Variants in ARPC2 observed in about 807,000 individuals in gnomAD.
ARPC2 encodes the protein actin related protein 2/3 complex subunit 2, also known as actin-related protein 2/3 complex subunit 2.
A neutral mutation model predicts 38.6 loss-of-function variants in ARPC2; 4 were observed. The observed-to-expected ratio is 0.10, with a 90% CI of 0.05 to 0.24. ARPC2 has a LOEUF of 0.24. ARPC2 is among the 10% of genes least tolerant of loss of function. The probability of loss-of-function intolerance (pLI) is 1.00; values close to 1 mark genes in which losing one functional copy is unlikely to be tolerated. For synonymous variants in ARPC2, 125 were observed against 140.8 expected (o/e 0.89, Z 0.79); for missense variants, 229 against 387.3 (o/e 0.59, Z 3.43).
At chr2:218,226,496 G>A (rs1291625870) in intron 3 of ARPC2, among the ~76,000 whole-genome samples, 4 of 151,778 alleles carry the variant, frequency 2.6e-5, no homozygotes, top group African/African-American at 9.7e-5. Flanking sequence ...GGGCATGGTG[G>A]CGGGCACCTG....
In ARPC2 at chr2:218,245,453, G is replaced by C; in HGVS notation, c.583G>C (p.Ala195Pro). 1 of 1,614,162 alleles carries C rather than the reference G, an allele frequency of 6.2e-7. No individual in the cohort carries two copies. The highest frequency in any genetic ancestry group is 8.5e-7 in the Non-Finnish European group (1 of 1,180,030). ...FKEGRRASHT[A>P]PQVLFSHREP... ...AGAAGGACGCAGAGCCAGCCACACA[G>C]CCCCACAGGTCCTCTTTAGCCACAG... The change falls in exon 8 of 11, where the codon GCC (alanine) becomes CCC (proline). Residue 195 changes from alanine (A) to proline (P), a missense_variant. By Grantham distance (27) the Ala-to-Pro change is conservative (BLOSUM62 -1). Around this residue, in one of 3 missense-constraint regions of ARPC2, gnomAD observed 92 missense variants for 152.3 expected, o/e 0.60. Transcript: ENST00000315717.
chr2:218,225,985 G>A (rs779887815), intron 3 of ARPC2, 31 bp downstream of exon 3: 21 of 1,610,768 alleles, frequency 1.3e-5, no homozygotes, highest in Non-Finnish European at 1.4e-5. Context: ...CCTCTGAAGA[G>A]AAGGTACAAT....
At chr2:218,235,474 G>GA (rs756388409) in intron 5 of ARPC2, 1 of 148,246 alleles carries the variant, frequency 6.7e-6, no homozygotes, top group Non-Finnish European at 1.5e-5. Context: ...AGAGAGTTGG[G>GA]ATCACAGGCA....
chr2:218,247,066 A>T (rs560257881), intron 8 of ARPC2, among the ~76,000 whole-genome samples: 60 of 152,272 alleles, frequency 3.9e-4, no homozygotes, highest in African/African-American at 1.3e-3. Flanking sequence ...TAGAGGCTGC[A>T]GTGAGCTGTG....
In ARPC2 at chr2:218,238,726, C is replaced by T; in HGVS notation, c.331C>T (p.His111Tyr). 6.2e-7 allele frequency: 1 copy of T among 1,613,460 alleles called. No homozygotes were observed. The highest frequency in any genetic ancestry group is 8.5e-7 in the Non-Finnish European group (1 of 1,179,838). Residue 111 changes from histidine to tyrosine, a missense_variant, in exon 6 of 11, where the codon CAT (histidine) becomes TAT (tyrosine). His to Tyr is a moderately conservative substitution (Grantham distance 83). Transcript: ENST00000315717. ...TCCGGCATCCAAGGATTCCATTGTG[C>T]ATCAAGCTGGCATGTTGAAGCGAAA... ...NLPASKDSIV[H>Y]QAGMLKRNCF...
chr2:218,253,440 C>T (rs1030838500), intron 10 of ARPC2, among the ~76,000 whole-genome samples: 2 of 152,202 alleles, frequency 1.3e-5, no homozygotes, highest in Non-Finnish European at 2.9e-5. Flanking sequence ...GAGGATTGCT[C>T]TGAACCAGCC....
chr2:218,228,734 A>C lies in ARPC2; in HGVS notation c.110-4A>C, dbSNP rs747583083. ...TTACGCAATCTTATTTGCTTTCCTC[A>C]CAGATTTCGATGGGGTCCTCTATCA... On this transcript the variant is annotated splice_region_variant and splice_polypyrimidine_tract_variant and intron_variant, in intron 3 of 10. Coordinates refer to ENST00000315717, the MANE Select transcript of ARPC2 (RefSeq NM_152862.3). 2 of 1,543,084 alleles carry C rather than the reference A, an allele frequency of 1.3e-6. No individual in the cohort carries two copies. Among genetic ancestry groups the C allele is most frequent in the Admixed American group, 3.4e-5 (2 of 59,560 alleles).
chr2:218,242,593 G>A (rs1039919821), intron 7 of ARPC2, among the ~76,000 whole-genome samples: 1 of 152,150 alleles, frequency 6.6e-6, no homozygotes, highest in Admixed American at 6.5e-5. Flanking sequence ...CTCCATCAGG[G>A]TAGTGGCATT....
At chr2:218,235,692 AT>A (rs1221473548) in intron 5 of ARPC2, 1 of 152,172 alleles carries the variant, frequency 6.6e-6, no homozygotes, top group Non-Finnish European at 1.5e-5. Flanking sequence ...TGGAAAGTTT[AT>A]GTTTCTGTCC....
chr2:218,232,181 C>T (rs1218762200), intron 4 of ARPC2, among the ~76,000 whole-genome samples: 5 of 151,938 alleles, frequency 3.3e-5, no homozygotes, highest in African/African-American at 1.2e-4. Context: ...GTGGAGGTTG[C>T]AATGAGCCGA....
intron 10 of ARPC2, among the ~76,000 whole-genome samples, chr2:218,251,796 C>T (rs373644822): frequency 1.3e-5 from 2 of 152,158 alleles, no homozygotes; most frequent in Non-Finnish European, 2.9e-5. Context: ...GGGTGTGGTA[C>T]GCCTAGGGCT....
At chr2:218,252,237 C>G (rs1181407453) in intron 10 of ARPC2, among the ~76,000 whole-genome samples, 1 of 152,136 alleles carries the variant, frequency 6.6e-6, no homozygotes, top group African/African-American at 2.4e-5. Flanking sequence ...AAAAAAAGCA[C>G]TTTTTAAGTC....
At chr2:218,251,188 G>A (rs923068204) in intron 10 of ARPC2, among the ~76,000 whole-genome samples, 3 of 149,876 alleles carry the variant, frequency 2.0e-5, no homozygotes, top group African/African-American at 7.6e-5. Context: ...CAGTACTGTT[G>A]TTGTTTTGTT....
chr2:218,229,799 A>C (rs1187944119), intron 4 of ARPC2, among the ~76,000 whole-genome samples: 1 of 152,194 alleles, frequency 6.6e-6, no homozygotes, highest in Non-Finnish European at 1.5e-5. Flanking sequence ...AGAAAGAAGA[A>C]ATATTTAGAG....
At chr2:218,244,618 A>G (rs1250311614) in intron 7 of ARPC2, among the ~76,000 whole-genome samples, 6 of 152,272 alleles carry the variant, frequency 3.9e-5, no homozygotes, top group Non-Finnish European at 7.3e-5. Flanking sequence ...TGGCAGCTCC[A>G]GCAAGAGAGC....
rs1375054522 is a variant in ARPC2 at position 218,242,800 on chromosome 2, C to CA, written c.550-2620_550-2619insA. On this transcript the variant is annotated intron_variant, in intron 7 of 10. Coordinates refer to ENST00000315717, the MANE Select transcript of ARPC2 (RefSeq NM_152862.3). ...TTTCTTATGAAGTGTCTCTTTATGT[C>CA]CTTTACCCATTATTCTGTAGGGTCA... is the stretch of plus-strand genomic sequence containing the variant. Among the ~76,000 whole-genome samples the CA allele has an allele frequency of 5.3e-5, 8 of 152,206 alleles. No individual in the cohort carries two copies. In the East Asian group the frequency reaches 9.7e-4, roughly 18 times the overall value.
At chr2:218,238,539 AT>A (rs1689828886) in intron 5 of ARPC2, 124 bp from the exon 6 acceptor site, 4 of 663,006 alleles carry the variant, frequency 6.0e-6, no homozygotes, top group Non-Finnish European at 9.7e-6. Flanking sequence ...CTGAAAAAAG[AT>A]TTTTTTAGTT....
At chr2:218,238,464 A>T (rs1366119887) in intron 5 of ARPC2, among the ~76,000 whole-genome samples, 200 bp from the exon 6 acceptor site, 1 of 152,166 alleles carries the variant, frequency 6.6e-6, no homozygotes, top group Non-Finnish European at 1.5e-5. Flanking sequence ...TGTGAGATAG[A>T]TGGAAATAGA....
chr2:218,238,645 G>GT lies in ARPC2; in HGVS notation c.269-13dup, dbSNP rs751916434. Reference sequence around the variant, plus strand: ...ACTGCTGGGTTGTTTTTTGTTTCTTGTTTTTTCTTTCCCTCCAGGATACAA... The same window carrying GT: ...ACTGCTGGGTTGTTTTTTGTTTCTTGTTTTTTTCTTTCCCTCCAGGATACAA... On this transcript the variant is annotated intron_variant, in intron 5 of 10. Transcript: ENST00000315717. 3.2e-5 allele frequency: 21 copies of GT among 665,140 alleles called. No individual in the cohort carries two copies. The highest frequency in any genetic ancestry group is 4.1e-5 in the African/African-American group (1 of 24,152). The allele number at this position is 665,140 out of a possible 1,614,324, so 41.2% of individuals were successfully genotyped here. A position where few individuals can be genotyped will look rare whatever the true frequency, so the allele number is the denominator to read the frequency against.
Sources: allele counts gnomAD v4.1 joint callset (sites outside exome capture counted in the v4.1 genomes callset), GRCh38; gene constraint gnomAD v4.1.1; regional missense constraint gnomAD v4.1.1; transcripts MANE v1.5; gene names NCBI Gene and HGNC (gene_info 2026-07-23, HGNC 2026-07-21).